PRKAG2: variants seen among roughly 807,000 people sequenced by gnomAD.
PRKAG2 encodes the protein 5'-AMP-activated protein kinase subunit gamma-2.
PRKAG2 carries 26 observed loss-of-function variants against 69.6 expected under a neutral mutation model. The observed-to-expected ratio is 0.37, with a 90% CI of 0.27 to 0.52. PRKAG2 has a LOEUF of 0.52. Among genes scored for constraint, PRKAG2 ranks in the 20% least tolerant of loss-of-function variants. PRKAG2 has a pLI of 0.90. For missense variants in PRKAG2, 557 were observed against 740.0 expected (o/e 0.75, Z 2.87); for synonymous variants, 293 against 285.0 (o/e 1.03, Z -0.28).
intron 5 of PRKAG2, among the ~76,000 whole-genome samples, chr7:151,620,144 G>C (rs1216437148): frequency 1.3e-5 from 2 of 152,192 alleles, no homozygotes; most frequent in Non-Finnish European, 2.9e-5. Flanking sequence ...TGCCCCCGCT[G>C]GCTGTCATGA....
chr7:151,701,055 C>A (rs1837606495), intron 3 of PRKAG2, among the ~76,000 whole-genome samples: 1 of 152,202 alleles, frequency 6.6e-6, no homozygotes, highest in Admixed American at 6.5e-5. Flanking sequence ...TCCTCTCCTC[C>A]CCTCAGCTGT....
chr7:151,614,460 G>A lies in PRKAG2; in HGVS notation c.754+17609C>T, dbSNP rs748853888. Among the ~76,000 whole-genome samples, 4 of 152,136 alleles carry A rather than the reference G, an allele frequency of 2.6e-5. No homozygotes were observed. Among genetic ancestry groups the A allele is most frequent in the Non-Finnish European group, 4.4e-5 (3 of 68,018 alleles). ...CTGAAAAAATCAGGGCTGCGTGGAC[G>A]CTCAGTCAGAGGAGAAAAGAGGCAG... On this transcript the variant is annotated intron_variant, in intron 5 of 15. Coordinates refer to ENST00000287878, the MANE Select transcript of PRKAG2 (RefSeq NM_016203.4). The surrounding 1 kb of genome is among the most constrained non-coding windows in gnomAD (Gnocchi z 4.4).
At chr7:151,707,786 T>C (rs6464164) in intron 3 of PRKAG2, among the ~76,000 whole-genome samples, 99,727 of 152,066 alleles carry the variant, frequency 0.66, 34,126 homozygotes, top group East Asian at 0.85. Flanking sequence ...GAGCTGGGCC[T>C]ACGTCAGTAG....
At chr7:151,773,025 G>GAA (rs762104825) in intron 3 of PRKAG2, among the ~76,000 whole-genome samples, 1,096 of 39,656 alleles carry the variant, frequency 0.028, 18 homozygotes, top group Non-Finnish European at 0.033. Flanking sequence ...AAGAAAGAAA[G>GAA]AGAGAGAGAG....
At chr7:151,675,187 C>A (rs1483123960) in intron 4 of PRKAG2, 7 of 524,102 alleles carry the variant, frequency 1.3e-5, no homozygotes. Flanking sequence ...TCCCAAAGTG[C>A]TGGGACTACA....
intron 6 of PRKAG2, among the ~76,000 whole-genome samples, chr7:151,594,856 T>C (rs1317795477): frequency 2.6e-5 from 4 of 152,126 alleles, no homozygotes; most frequent in Non-Finnish European, 5.9e-5. Context: ...TGGAGTGCAG[T>C]GGCACAAGCT....
intron 1 of PRKAG2, among the ~76,000 whole-genome samples, chr7:151,861,662 G>A (rs953398935): frequency 1.3e-5 from 2 of 152,146 alleles, no homozygotes; most frequent in Non-Finnish European, 2.9e-5. Flanking sequence ...CCCATGGGCG[G>A]CTTGTTAGGG....
At chr7:151,683,147 C>G (rs1054605153) in intron 3 of PRKAG2, among the ~76,000 whole-genome samples, 39 of 152,374 alleles carry the variant, frequency 2.6e-4, no homozygotes, top group African/African-American at 9.4e-4. Context: ...GAAACTGCTC[C>G]TGGCAGCCAC....
intron 5 of PRKAG2, among the ~76,000 whole-genome samples, chr7:151,625,263 G>A (rs1017196109): frequency 2.0e-5 from 3 of 152,204 alleles, no homozygotes; most frequent in Non-Finnish European, 4.4e-5. Flanking sequence ...GGCCAAAGGA[G>A]AGGAAGGAAT....
At position 151,850,028 on chromosome 7, in the gene PRKAG2, AG is replaced by A. The variant is rs2079531825; in HGVS notation, c.114+26478del. Among the ~76,000 whole-genome samples, 1 of 152,166 alleles carries A rather than the reference AG, an allele frequency of 6.6e-6. No homozygotes were observed. Among genetic ancestry groups the A allele is most frequent in the South Asian group, 2.1e-4 (1 of 4,834 alleles). Reference sequence around the variant, plus strand: ...CCATTTTCCGGAGCGTGCTGTAGCTAGGCACAGAGAGGCTCTGCTGGGCTGC... The same window carrying A: ...CCATTTTCCGGAGCGTGCTGTAGCTAGCACAGAGAGGCTCTGCTGGGCTGC... On this transcript the variant is annotated intron_variant, in intron 1 of 15. Transcript: ENST00000287878. The surrounding 1 kb of genome is among the most constrained non-coding windows in gnomAD (Gnocchi z 4.1).
chr7:151,735,807 A>T, intron 3 of PRKAG2: 1 of 1,463,462 alleles, frequency 6.8e-7, no homozygotes, highest in Middle Eastern at 1.7e-4. Context: ...GAGTGGCTGG[A>T]AACAGCTACT....
rs1212648360 is a variant in PRKAG2, at chr7:151,807,276, C to T, written c.115-20735G>A. 1.0e-5 allele frequency: 4 copies of T among 394,258 alleles called. No homozygotes were observed. The highest frequency in any genetic ancestry group is 2.1e-5 in the Non-Finnish European group (4 of 194,024). 24.4% of individuals were successfully genotyped at this position (394,258 alleles called of 1,614,324 possible). On this transcript the variant is annotated intron_variant, in intron 1 of 15. Coordinates refer to ENST00000287878, the MANE Select transcript of PRKAG2 (RefSeq NM_016203.4). The surrounding 1 kb of genome is among the most constrained non-coding windows in gnomAD (Gnocchi z 4.4). ...AAGTGGCCAGTCAGCCACCAGCAGA[C>T]CCATGGGATAGGGGAAGAAAAACAA...
chr7:151,847,465 T>G (rs1164782250), intron 1 of PRKAG2, among the ~76,000 whole-genome samples: 2 of 152,096 alleles, frequency 1.3e-5, no homozygotes, highest in African/African-American at 2.4e-5. Context: ...TGAGCTCTTG[T>G]CCCCGAGCCT....
At chr7:151,723,361 A>G (rs1372897441) in intron 3 of PRKAG2, among the ~76,000 whole-genome samples, 1 of 152,168 alleles carries the variant, frequency 6.6e-6, no homozygotes, top group Non-Finnish European at 1.5e-5. Context: ...TGATTGAAGG[A>G]CCATGACGCA....
chr7:151,812,957 C>T (rs1275118105), intron 1 of PRKAG2, among the ~76,000 whole-genome samples: 1 of 151,086 alleles, frequency 6.6e-6, no homozygotes, highest in Admixed American at 6.6e-5. Flanking sequence ...ACCACACACA[C>T]ACACCTGAGA....
intron 3 of PRKAG2, among the ~76,000 whole-genome samples, chr7:151,732,530 G>C (rs1381904462): frequency 6.6e-6 from 1 of 152,192 alleles, no homozygotes; most frequent in Non-Finnish European, 1.5e-5. Context: ...ATCCTTCTTG[G>C]AGAACAGGGA....
intron 4 of PRKAG2, among the ~76,000 whole-genome samples, chr7:151,659,716 A>G (rs1830031169): frequency 6.6e-6 from 1 of 152,248 alleles, no homozygotes; most frequent in South Asian, 2.1e-4. Flanking sequence ...TGTCTTGGGA[A>G]CAGAAAGGAT....
chr7:151,766,470 T>C (rs2151767883), intron 3 of PRKAG2, among the ~76,000 whole-genome samples: 1 of 152,240 alleles, frequency 6.6e-6, no homozygotes, highest in South Asian at 2.1e-4. Flanking sequence ...TTCATCTCAC[T>C]AAAAAGGAGA....
intron 1 of PRKAG2, among the ~76,000 whole-genome samples, chr7:151,821,969 G>C (rs1270490471): frequency 6.6e-6 from 1 of 152,166 alleles, no homozygotes; most frequent in Admixed American, 6.5e-5. Context: ...TTACGGAGGC[G>C]AACAGGGCCT....
Sources: allele counts gnomAD v4.1 joint callset (sites outside exome capture counted in the v4.1 genomes callset), GRCh38; gene constraint gnomAD v4.1.1; non-coding constraint Gnocchi (gnomAD v3.1); transcripts MANE v1.5; gene names NCBI Gene and HGNC (gene_info 2026-07-23, HGNC 2026-07-21).